The following NEK10 variants were observed in gnomAD, a reference collection of about 807,000 sequenced individuals.
NEK10 encodes the protein NIMA related kinase 10.
Under a neutral mutation model 159.8 loss-of-function variants are expected in NEK10, and 122 were observed. The ratio of observed to expected loss-of-function variants is 0.76; its 90% confidence interval spans 0.66 to 0.89. The LOEUF (loss-of-function observed/expected upper bound fraction) is 0.89, where lower values mean the gene tolerates loss of function less well. Among genes scored for constraint, NEK10 ranks in the 40% least tolerant of loss-of-function variants. NEK10 has a pLI of 0.00. For missense variants in NEK10, 1,342 were observed against 1,323.1 expected, an observed-to-expected ratio of 1.01 and a Z score of -0.22; for synonymous variants, 466 against 457.1, an observed-to-expected ratio of 1.02 and a Z score of -0.25.
chr3:27,324,388 G>T (rs772955843), intron 5 of NEK10, among the ~76,000 whole-genome samples: 1 of 152,148 alleles, frequency 6.6e-6, no homozygotes, highest in Non-Finnish European at 1.5e-5. Context: ...CTGAATCTCA[G>T]TTTGATAGTC....
At chr3:27,229,520 G>T (rs1953003396) in intron 23 of NEK10, among the ~76,000 whole-genome samples, 1 of 151,816 alleles carries the variant, frequency 6.6e-6, no homozygotes, top group South Asian at 2.1e-4. Context: ...CAAACTAAAG[G>T]GAAATCTCTG....
At chr3:27,364,425 A>G (rs896988517) in intron 1 of NEK10, among the ~76,000 whole-genome samples, 110 of 149,124 alleles carry the variant, frequency 7.4e-4, no homozygotes, top group African/African-American at 2.6e-3. Context: ...ACGGGGTTTC[A>G]CCATGTTGGC....
chr3:27,349,508 A>G (rs977481716), intron 3 of NEK10, among the ~76,000 whole-genome samples: 2 of 152,174 alleles, frequency 1.3e-5, no homozygotes, highest in Non-Finnish European at 2.9e-5. Context: ...CTCTCAAAAC[A>G]TAAGAACCAC....
chr3:27,218,699 C>T (rs79805289), intron 23 of NEK10, among the ~76,000 whole-genome samples: 1 of 121,404 alleles, frequency 8.2e-6, no homozygotes, highest in Non-Finnish European at 1.7e-5. Flanking sequence ...ATACGAAAAT[C>T]AATCCAGGTA....
intron 14 of NEK10, among the ~76,000 whole-genome samples, chr3:27,296,699 C>T (rs2043378010): frequency 6.6e-6 from 1 of 152,082 alleles, no homozygotes; most frequent in African/African-American, 2.4e-5. Context: ...CATACACACA[C>T]AAACATGTAT....
chr3:27,256,215 T>C (rs947366747), intron 23 of NEK10, 81 bp downstream of exon 23: 2 of 615,046 alleles, frequency 3.3e-6, no homozygotes, highest in South Asian at 4.6e-5. Context: ...AAATTCTCTT[T>C]CCTTTGCAAG....
rs1052889630 is a variant in NEK10 at position 27,347,522 on chromosome 3, A to G, written c.133-1306T>C. Among the ~76,000 whole-genome samples, 5 of 151,572 alleles carry G rather than the reference A, an allele frequency of 3.3e-5. No individual in the cohort carries two copies. In the South Asian group the frequency reaches 6.2e-4, roughly 19 times the overall value. ...CGTCTCAAAAAAAAAAAAAAAAAAA[A>G]AAAAAAAGACATCATTTTTTTATTC... On this transcript the variant is annotated intron_variant, in intron 3 of 35. Coordinates refer to ENST00000691995, the MANE Select transcript of NEK10 (RefSeq NM_001394966.1).
rs182655482 is a variant in NEK10 at position 27,202,701 on chromosome 3, G to A, written c.2091-144C>T. 2.2e-4 allele frequency: 255 copies of A among 1,164,312 alleles called. 2 individuals carry two copies. In the African/African-American group the frequency reaches 3.6e-3, roughly 17 times the overall value. The allele number at this position is 1,164,312 out of a possible 1,614,324, so 72.1% of individuals were successfully genotyped here. A position where few individuals can be genotyped will look rare whatever the true frequency, so the allele number is the denominator to read the frequency against. On this transcript the variant is annotated intron_variant, in intron 23 of 35. Transcript: ENST00000691995. ...CTATTTCAGGAAAGGATATCAAAAAGTCTGTTTGAAATTTCCCAGCCTTAG... is the reference window on the plus strand; with the variant it reads ...CTATTTCAGGAAAGGATATCAAAAAATCTGTTTGAAATTTCCCAGCCTTAG...
chr3:27,276,945 C>A (rs62255587), intron 22 of NEK10, among the ~76,000 whole-genome samples: 39,054 of 152,046 alleles, frequency 0.26, 5,176 homozygotes, highest in Middle Eastern at 0.38. Flanking sequence ...TGGAAGCTCA[C>A]CTCAACAGTC....
At chr3:27,241,846 A>C (rs1954589844) in intron 23 of NEK10, among the ~76,000 whole-genome samples, 1 of 152,174 alleles carries the variant, frequency 6.6e-6, no homozygotes, top group African/African-American at 2.4e-5. Flanking sequence ...GCTGGGACTT[A>C]AGAAAATGGA....
At chr3:27,134,838 A>T (rs1943017557) in intron 31 of NEK10, among the ~76,000 whole-genome samples, 1 of 152,196 alleles carries the variant, frequency 6.6e-6, no homozygotes, top group Non-Finnish European at 1.5e-5. Context: ...AGGTGATATA[A>T]ACATAATAAT....
intron 5 of NEK10, among the ~76,000 whole-genome samples, chr3:27,342,125 C>T (rs2047241057): frequency 6.6e-6 from 1 of 152,112 alleles, no homozygotes; most frequent in Admixed American, 6.6e-5. Context: ...TAATTTCACC[C>T]TCCTGTCCTT....
At chr3:27,144,100 T>C (rs1944052211) in intron 30 of NEK10, among the ~76,000 whole-genome samples, 1 of 152,214 alleles carries the variant, frequency 6.6e-6, no homozygotes, top group African/African-American at 2.4e-5. Context: ...TCTCTTTCTC[T>C]CTTGCACTCT....
chr3:27,185,262 G>C (rs1231090146), intron 26 of NEK10, among the ~76,000 whole-genome samples: 1 of 152,120 alleles, frequency 6.6e-6, no homozygotes, highest in Non-Finnish European at 1.5e-5. Context: ...ATTATCATAG[G>C]AATCTTTTTT....
intron 1 of NEK10, among the ~76,000 whole-genome samples, chr3:27,360,467 A>G (rs2048608174): frequency 6.6e-6 from 1 of 152,234 alleles, no homozygotes. Flanking sequence ...CTTCTACTAG[A>G]GGAGGAAATT....
Position 27,291,462 on chromosome 3 carries a change from A to T in NEK10, c.1476+22T>A, listed in dbSNP as rs746068773. The T allele has an allele frequency of 5.6e-6, 9 of 1,602,608 alleles. No homozygotes were observed. In the Admixed American group the frequency reaches 1.5e-4, roughly 27 times the overall value. ...CCTGACTACATAGCAGCCTGCCAAA[A>T]TATTGAAAACTCAGGACTTACCACT... On this transcript the variant is annotated intron_variant, in intron 17 of 35. Transcript: ENST00000691995.
At chr3:27,231,585 G>A (rs1250682365) in intron 23 of NEK10, among the ~76,000 whole-genome samples, 3 of 151,834 alleles carry the variant, frequency 2.0e-5, no homozygotes, top group Non-Finnish European at 4.4e-5. Flanking sequence ...AAACAAAATT[G>A]ATAGGCCATT....
intron 23 of NEK10, among the ~76,000 whole-genome samples, chr3:27,208,059 T>C (rs1950672641): frequency 6.6e-6 from 1 of 152,134 alleles, no homozygotes; most frequent in Non-Finnish European, 1.5e-5. Context: ...TCTGTGTGTT[T>C]GTATGTGTAT....
chr3:27,123,431 T>A (rs1170448917), intron 32 of NEK10, among the ~76,000 whole-genome samples: 2 of 152,040 alleles, frequency 1.3e-5, no homozygotes. Context: ...TGCATATTAA[T>A]GGAAAAATGA....
Sources: allele counts gnomAD v4.1 joint callset (sites outside exome capture counted in the v4.1 genomes callset), GRCh38; gene constraint gnomAD v4.1.1; transcripts MANE v1.5; gene names NCBI Gene and HGNC (gene_info 2026-07-23, HGNC 2026-07-21).